EML4: variants seen among roughly 807,000 people sequenced by gnomAD.
EML4 encodes the protein EMAP like 4.
A neutral mutation model predicts 129.0 loss-of-function variants in EML4; 72 were observed. The observed-to-expected ratio is 0.56, with a 90% confidence interval of 0.46 to 0.68. The LOEUF (loss-of-function observed/expected upper bound fraction) is 0.68. Among genes scored for constraint, EML4 ranks in the 30% least tolerant of loss-of-function variants. The pLI, the probability that EML4 is intolerant of heterozygous loss-of-function variation, is 0.00. For synonymous variants in EML4, 532 were observed against 405.0 expected (o/e 1.31, Z -3.77); for missense variants, 1,363 against 1,190.6 (o/e 1.14, Z -2.13).
Position 42,288,317 on chromosome 2 carries a change from AT to A in EML4, c.1214del (p.Ile405LysfsTer21). On this transcript the variant is annotated frameshift_variant, in exon 11 of 23. Transcript: ENST00000318522. LOFTEE classifies it high-confidence loss of function. ...GCAGAAGAAAGCAAAAGGAGCAGAA[AT>A]AAAGGTAAATTTTTAAAAAACCGAG... ...DWQKKAKGAE[I>X]KTTNEVVLAV... The A allele has an allele frequency of 6.6e-7, 1 of 1,523,782 alleles. No individual in the cohort carries two copies. The highest frequency in any genetic ancestry group is 9.0e-7 in the Non-Finnish European group (1 of 1,107,290). 94.4% of individuals were successfully genotyped at this position (1,523,782 alleles called of 1,614,324 possible).
At chr2:42,296,595 C>G (rs1459761092) in intron 13 of EML4, among the ~76,000 whole-genome samples, 1 of 152,116 alleles carries the variant, frequency 6.6e-6, no homozygotes, top group Non-Finnish European at 1.5e-5. Flanking sequence ...TACATATCTG[C>G]CTTCCCCAAT....
intron 1 of EML4, among the ~76,000 whole-genome samples, chr2:42,214,129 A>G (rs1046977108): frequency 4.6e-5 from 7 of 152,208 alleles, no homozygotes; most frequent in Admixed American, 6.5e-5. Flanking sequence ...AAATTCAGTC[A>G]TTTCTCTGTT....
rs9309080 is a variant in EML4, at chr2:42,264,103, G to GTTTTTTTTTTTTTTTTTTTTTTTTTTTT, written c.642-577_642-576insTTTTTTTTTTTTTTTTTTTTTTTTTTTT. 3.0e-5 allele frequency among the ~76,000 whole-genome samples: 3 copies of GTTTTTTTTTTTTTTTTTTTTTTTTTTTT among 100,748 alleles called. 1 individual carries two copies. Among genetic ancestry groups the GTTTTTTTTTTTTTTTTTTTTTTTTTTTT allele is most frequent in the Non-Finnish European group, 3.9e-5 (2 of 51,220 alleles). The allele number at this position is 100,748 out of a possible 152,430, so 66.1% of individuals were successfully genotyped here. On this transcript the variant is annotated intron_variant, in intron 5 of 22. Coordinates refer to ENST00000318522, the MANE Select transcript of EML4 (RefSeq NM_019063.5). ...AAGGCTCCCAACTCAAACAATACGT[G>GTTTTTTTTTTTTTTTTTTTTTTTTTTTT]TTTTTTTTTTTTTTTTTTTTTTTTT... is the stretch of plus-strand genomic sequence containing the variant.
At chr2:42,273,958 G>A (rs1301298380) in intron 6 of EML4, among the ~76,000 whole-genome samples, 1 of 152,122 alleles carries the variant, frequency 6.6e-6, no homozygotes, top group Non-Finnish European at 1.5e-5. Context: ...TCATTAACTG[G>A]AACTTGAAGT....
intron 11 of EML4, chr2:42,289,185 A>G (rs552763286): frequency 1.3e-5 from 2 of 152,370 alleles, no homozygotes; most frequent in South Asian, 4.1e-4. Flanking sequence ...AAATGAAGAT[A>G]TAGATTGACT....
chr2:42,248,405 T>G (rs778900614), intron 2 of EML4, among the ~76,000 whole-genome samples: 1 of 152,224 alleles, frequency 6.6e-6, no homozygotes, highest in African/African-American at 2.4e-5. Flanking sequence ...ACACAGTATT[T>G]TATATGACAC....
At chr2:42,173,143 A>T (rs1343117087) in intron 1 of EML4, among the ~76,000 whole-genome samples, 2 of 152,228 alleles carry the variant, frequency 1.3e-5, no homozygotes, top group Non-Finnish European at 2.9e-5. Flanking sequence ...GACTATTCAG[A>T]AATTAGTCTT....
rs752426034 is a variant in EML4, at chr2:42,329,721, T to G, written c.2473-13T>G. 1 of 1,605,872 alleles carries G rather than the reference T, an allele frequency of 6.2e-7. No individual in the cohort carries two copies. Among genetic ancestry groups the G allele is most frequent in the South Asian group, 1.1e-5 (1 of 90,798 alleles). On this transcript the variant is annotated splice_polypyrimidine_tract_variant and intron_variant, in intron 22 of 22. Transcript: ENST00000318522. ...AGTTTAATTTTCCTGTCTGTCTGAT[T>G]TATTTCATATAGGCTCCCAGTCACA...
intron 17 of EML4, among the ~76,000 whole-genome samples, chr2:42,312,841 C>T (rs1312030805): frequency 6.6e-6 from 1 of 151,922 alleles, no homozygotes; most frequent in Non-Finnish European, 1.5e-5. Context: ...GCATGAGCCA[C>T]TGCGCCTGGC....
intron 1 of EML4, among the ~76,000 whole-genome samples, chr2:42,196,311 G>A (rs988512825): frequency 1.3e-5 from 2 of 152,174 alleles, no homozygotes; most frequent in African/African-American, 4.8e-5. Context: ...CTTAATATGT[G>A]CTTAATGATG....
At chr2:42,232,392 C>T (rs1674403446) in intron 1 of EML4, among the ~76,000 whole-genome samples, 2 of 152,136 alleles carry the variant, frequency 1.3e-5, no homozygotes. Flanking sequence ...TAATTTGGGT[C>T]CATTTATTGT....
intron 19 of EML4, 153 bp from the exon 20 acceptor site, chr2:42,325,314 G>A (rs1669728504): frequency 1.6e-6 from 1 of 631,860 alleles, no homozygotes; most frequent in Non-Finnish European, 3.1e-6. Context: ...AGGATTTGCT[G>A]TGAGCCTGCT....
Position 42,280,974 on chromosome 2 carries a change from G to A in EML4, c.791+1G>A, listed in dbSNP as rs1398460671. ...CTGAGAAGCTCAAACTGGAGTGGGC[G>A]TATCCTTCTCTACCATGACAGCAAA... On this transcript the variant is annotated splice_donor_variant, in intron 7 of 22. Transcript: ENST00000318522. LOFTEE classifies it high-confidence loss of function. 6.3e-7 allele frequency: 1 copy of A among 1,585,546 alleles called. No individual in the cohort carries two copies. The highest frequency in any genetic ancestry group is 8.6e-7 in the Non-Finnish European group (1 of 1,168,784).
At chr2:42,215,063 G>A (rs1173755685) in intron 1 of EML4, among the ~76,000 whole-genome samples, 2 of 152,080 alleles carry the variant, frequency 1.3e-5, no homozygotes, top group Admixed American at 1.3e-4. Flanking sequence ...CATGGTAGAT[G>A]TAAAACTTTT....
intron 1 of EML4, among the ~76,000 whole-genome samples, chr2:42,192,938 A>C (rs573237633): frequency 6.6e-6 from 1 of 152,306 alleles, no homozygotes; most frequent in Admixed American, 6.5e-5. Context: ...ACAGTCATGA[A>C]ACTGCTTTGC....
chr2:42,170,053 C>T (rs563640747), intron 1 of EML4: 1 of 164,054 alleles, frequency 6.1e-6, no homozygotes, highest in East Asian at 1.6e-4. Flanking sequence ...ATACACGCCT[C>T]TCTTTCAGGG....
At position 42,329,225 on chromosome 2, in the gene EML4, C is replaced by T. The variant is rs147825848; in HGVS notation, c.2472+209C>T. ...AAGGAGAAGTGAGCTGTAGAAATGA[C>T]GACCGATGATGTTATTCCTGTTTCT... On this transcript the variant is annotated intron_variant, in intron 22 of 22. Coordinates refer to ENST00000318522, the MANE Select transcript of EML4 (RefSeq NM_019063.5). 3.8e-4 allele frequency among the ~76,000 whole-genome samples: 58 copies of T among 152,264 alleles called. 1 individual carries two copies. In the East Asian group the frequency reaches 0.011, roughly 28 times the overall value.
At chr2:42,303,274 A>G (rs1668395413) in intron 15 of EML4, 41 bp from the exon 16 acceptor site, 1 of 1,613,816 alleles carries the variant, frequency 6.2e-7, no homozygotes, top group African/African-American at 1.3e-5. Context: ...TTTTTATGAT[A>G]TTCTTTGGTT....
At chr2:42,204,045 G>C (rs374567726) in intron 1 of EML4, among the ~76,000 whole-genome samples, 12 of 151,936 alleles carry the variant, frequency 7.9e-5, no homozygotes, top group Admixed American at 2.6e-4. Flanking sequence ...TCAGCCCTCC[G>C]AATAGCTAGG....
Sources: allele counts gnomAD v4.1 joint callset (sites outside exome capture counted in the v4.1 genomes callset), GRCh38; gene constraint gnomAD v4.1.1; transcripts MANE v1.5; gene names NCBI Gene and HGNC (gene_info 2026-07-23, HGNC 2026-07-21).